The following KANK1 variants were observed in gnomAD, a reference collection of about 807,000 sequenced individuals.
KANK1 encodes the protein KN motif and ankyrin repeat domains 1.
A neutral mutation model predicts 106.2 loss-of-function variants in KANK1; 109 were observed. The ratio of observed to expected loss-of-function variants is 1.03; its 90% confidence interval spans 0.88 to 1.20. The LOEUF is 1.20. KANK1 is among the 50% of genes most tolerant of loss of function. The pLI is 0.00. For missense variants in KANK1, 2,399 were observed against 1,710.7 expected (o/e 1.40, Z -7.10); for synonymous variants, 873 against 652.2 (o/e 1.34, Z -5.16).
At chr9:508,667 C>T (rs2058888658) in intron 1 of KANK1, among the ~76,000 whole-genome samples, 2 of 151,094 alleles carry the variant, frequency 1.3e-5, no homozygotes, top group African/African-American at 4.9e-5. Context: ...TTTTAGTATC[C>T]TGGTTTCTTT....
At chr9:657,786 C>G (rs1842469310) in intron 1 of KANK1, among the ~76,000 whole-genome samples, 1 of 151,986 alleles carries the variant, frequency 6.6e-6, no homozygotes, top group Non-Finnish European at 1.5e-5. Flanking sequence ...AGACAGTTGA[C>G]CTCTGTAAAG....
At chr9:673,117 T>C (rs1417177649) in intron 1 of KANK1, among the ~76,000 whole-genome samples, 1 of 150,952 alleles carries the variant, frequency 6.6e-6, no homozygotes, top group Non-Finnish European at 1.5e-5. Flanking sequence ...GCATGAATAA[T>C]AACTGAGAAA....
chr9:698,475 G>C (rs1821852982), intron 2 of KANK1, among the ~76,000 whole-genome samples: 1 of 152,044 alleles, frequency 6.6e-6, no homozygotes, highest in African/African-American at 2.4e-5. Flanking sequence ...TTGGTTTAAA[G>C]AAAAAATTTT....
At chr9:538,838 G>A (rs1228659323) in intron 1 of KANK1, among the ~76,000 whole-genome samples, 1 of 152,122 alleles carries the variant, frequency 6.6e-6, no homozygotes, top group Non-Finnish European at 1.5e-5. Context: ...CTTCATAAAT[G>A]ACACCTATAA....
At chr9:652,761 A>C (rs1025627806) in intron 1 of KANK1, among the ~76,000 whole-genome samples, 2 of 152,220 alleles carry the variant, frequency 1.3e-5, no homozygotes, top group East Asian at 1.9e-4. Context: ...GAAGCAATAC[A>C]CCAAAGCGTT....
rs377560551 is a variant in KANK1, at chr9:692,129, G to GT, written c.37+15124dup. Among the ~76,000 whole-genome samples the GT allele has an allele frequency of 9.2e-5, 14 of 152,218 alleles. No homozygotes were observed. The East Asian group carries it at 2.5e-3, about 27-fold the overall frequency. ...GGACAGCTGTGTAGAGAGAGGCACA[G>GT]TTTTATAAGAATTCACTGGACCTGC... is the stretch of plus-strand genomic sequence containing the variant. On this transcript the variant is annotated intron_variant, in intron 2 of 11. Transcript: ENST00000382297.
intron 1 of KANK1, among the ~76,000 whole-genome samples, chr9:670,316 T>C (rs1466019049): frequency 2.6e-5 from 4 of 152,188 alleles, no homozygotes; most frequent in African/African-American, 9.7e-5. Context: ...ATTTATTATT[T>C]ATTCCAATCT....
chr9:478,456 T>C (rs1344159042), intron 3 of KANK1: 1 of 152,316 alleles, frequency 6.6e-6, no homozygotes, highest in African/African-American at 2.4e-5. Flanking sequence ...TTGTGCCTCC[T>C]TGAAAAAGCC....
chr9:703,665 G>A (rs1444972810), intron 2 of KANK1, among the ~76,000 whole-genome samples: 1 of 152,020 alleles, frequency 6.6e-6, no homozygotes, highest in Non-Finnish European at 1.5e-5. Context: ...AGTCCAAAAA[G>A]GCTTAGTTAA....
chr9:704,531 A>G (rs1431668217), intron 2 of KANK1, among the ~76,000 whole-genome samples: 3 of 152,166 alleles, frequency 2.0e-5, no homozygotes, highest in East Asian at 1.9e-4. Context: ...ATTTGCCCCT[A>G]TTAGTGTGGA....
chr9:647,756 A>C (rs1840004463), intron 1 of KANK1, among the ~76,000 whole-genome samples: 1 of 150,778 alleles, frequency 6.6e-6, no homozygotes, highest in Non-Finnish European at 1.5e-5. Flanking sequence ...AGAAAGTGCC[A>C]AACAACCTCA....
chr9:476,065 C>G (rs1466343343), intron 3 of KANK1, among the ~76,000 whole-genome samples: 2 of 151,496 alleles, frequency 1.3e-5, no homozygotes, highest in African/African-American at 4.8e-5. Flanking sequence ...ATTGACCAAG[C>G]TAGTCTTGAA....
chr9:475,100 A>G (rs2058081212), intron 3 of KANK1, among the ~76,000 whole-genome samples: 1 of 152,148 alleles, frequency 6.6e-6, no homozygotes, highest in Non-Finnish European at 1.5e-5. Context: ...AAAACCTGAA[A>G]GTGACAATCA....
intron 1 of KANK1, among the ~76,000 whole-genome samples, chr9:508,589 C>G (rs1250900999): frequency 4.8e-5 from 7 of 146,278 alleles, no homozygotes; most frequent in Non-Finnish European, 8.8e-5. Flanking sequence ...CGAAGAGTAA[C>G]CGTTGTGCCA....
Position 712,389 on chromosome 9 carries a change from C to T in KANK1, c.1623C>T (p.Ser541=). Residue 541 remains serine, a synonymous_variant, in exon 3 of 12, where the codon TCC becomes TCT. Transcript: ENST00000382297. ...TGGTGGACACGTGTGTTGGGACCTC[C>T]GTGGAAACAAACAGTGTAGGCATCT... The part of the protein sequence containing the change: ...MDLVDTCVGT[S]VETNSVGISC... 5 of 1,614,124 alleles carry T rather than the reference C, an allele frequency of 3.1e-6. No homozygotes were observed. Among genetic ancestry groups the T allele is most frequent in the South Asian group, 1.1e-5 (1 of 91,080 alleles).
exon 1 of KANK1, chr9:470,317 A>C (rs1185733537): frequency 6.6e-6 from 1 of 152,100 alleles, no homozygotes; most frequent in Non-Finnish European, 1.5e-5. Flanking sequence ...GGGCGTCCGA[A>C]GCGGGCGTGC....
At chr9:538,943 C>A (rs1190270109) in intron 1 of KANK1, among the ~76,000 whole-genome samples, 1 of 152,158 alleles carries the variant, frequency 6.6e-6, no homozygotes, top group Middle Eastern at 3.2e-3. Context: ...TACAGTGACA[C>A]AATCTCAGCT....
intron 2 of KANK1, among the ~76,000 whole-genome samples, chr9:690,770 AAGGTTC>A (rs1294940722): frequency 2.0e-5 from 3 of 152,154 alleles, no homozygotes; most frequent in Non-Finnish European, 4.4e-5. Context: ...GTAAGAACTG[AAGGTTC>A]AGGTTGAAGT....
intron 1 of KANK1, among the ~76,000 whole-genome samples, chr9:519,101 G>A (rs1057062560): frequency 9.9e-5 from 15 of 151,550 alleles, no homozygotes; most frequent in Non-Finnish European, 1.5e-4. Context: ...TGTTGGTCAG[G>A]CTGGTCTCAA....
Sources: allele counts gnomAD v4.1 joint callset (sites outside exome capture counted in the v4.1 genomes callset), GRCh38; gene constraint gnomAD v4.1.1; transcripts MANE v1.5; gene names NCBI Gene and HGNC (gene_info 2026-07-23, HGNC 2026-07-21).